LIMK1: variants seen among roughly 807,000 people sequenced by gnomAD.
LIMK1 encodes LIM motif-containing protein kinase.
Under a neutral mutation model 77.6 loss-of-function variants are expected in LIMK1, and 21 were observed. That is an observed-to-expected ratio of 0.27 (90% CI 0.19 to 0.39). LIMK1 has a LOEUF of 0.39. LIMK1 is among the 10% of genes least tolerant of loss of function. The pLI, the probability that LIMK1 is intolerant of heterozygous loss-of-function variation, is 1.00. For missense variants in LIMK1, 696 were observed against 901.6 expected, an observed-to-expected ratio of 0.77 and a Z score of 2.92; for synonymous variants, 358 against 370.0, an observed-to-expected ratio of 0.97 and a Z score of 0.37.
chr7:74,103,712 G>C (rs1799513024), intron 5 of LIMK1, among the ~76,000 whole-genome samples: 1 of 152,148 alleles, frequency 6.6e-6, no homozygotes, highest in Non-Finnish European at 1.5e-5. Context: ...GCTACCAAAT[G>C]CTGAATTTCT....
At chr7:74,086,316 A>G (rs1256396587) in intron 2 of LIMK1, among the ~76,000 whole-genome samples, 2 of 151,866 alleles carry the variant, frequency 1.3e-5, no homozygotes, top group Non-Finnish European at 2.9e-5. Context: ...AAGTGCTGGG[A>G]TGACAGACAT....
At chr7:74,106,899 T>C in intron 7 of LIMK1, 111 bp from the exon 8 acceptor site, 1 of 1,086,654 alleles carries the variant, frequency 9.2e-7, no homozygotes. Context: ...CAGGGGGTGA[T>C]TGCATAGACT....
At chr7:74,094,975 AGG>A (rs1799311733) in intron 2 of LIMK1, among the ~76,000 whole-genome samples, 1 of 151,902 alleles carries the variant, frequency 6.6e-6, no homozygotes, top group African/African-American at 2.4e-5. Flanking sequence ...CCCTTCCCCT[AGG>A]CTCCCAGACA....
rs1799937336 is a variant in LIMK1, at chr7:74,121,405, T to G, written c.*104T>G. ...CAGCTGGGACAGTGGGGACCCAGGC[T>G]TCTCCTCAGAGCCAGGCCCTGACTT... On this transcript the variant is annotated 3_prime_UTR_variant, in exon 16 of 16. Transcript: ENST00000336180. 1 of 1,189,462 alleles carries G rather than the reference T, an allele frequency of 8.4e-7. No homozygotes were observed. Among genetic ancestry groups the G allele is most frequent in the Non-Finnish European group, 1.1e-6 (1 of 869,926 alleles). 73.7% of individuals were successfully genotyped at this position (1,189,462 alleles called of 1,614,324 possible). A position where few individuals can be genotyped will look rare whatever the true frequency, so the allele number is the denominator to read the frequency against.
At chr7:74,114,759 C>CA (rs1799773107) in intron 12 of LIMK1, among the ~76,000 whole-genome samples, 1 of 150,936 alleles carries the variant, frequency 6.6e-6, no homozygotes. Flanking sequence ...ACTAAAAATA[C>CA]AAAAAATTAG....
intron 5 of LIMK1, 44 bp downstream of exon 5, chr7:74,099,282 C>G: frequency 6.4e-7 from 1 of 1,569,302 alleles, no homozygotes; most frequent in African/African-American, 1.3e-5. Context: ...GTGGCTATGG[C>G]TGTTGATGTG....
At chr7:74,105,852 C>T in intron 5 of LIMK1, 23 bp from the exon 6 acceptor site, 1 of 1,588,140 alleles carries the variant, frequency 6.3e-7, no homozygotes, top group Non-Finnish European at 8.6e-7. Context: ...TGGGCACTGG[C>T]CTGACCCCTG....
rs781946809 is a variant in LIMK1, at chr7:74,121,259, C to T, written c.1902C>T (p.Arg634=). ...GAGGTTTCTGGGAGACCTACCGGCG[C>T]GGCGAGAGCGGACTGCCTGCCCACC... is the stretch of plus-strand genomic sequence containing the variant. ...LDRGFWETYR[R]GESGLPAHPE... Residue 634 remains arginine (R), a synonymous_variant, in exon 16 of 16, where the codon CGC becomes CGT. Transcript: ENST00000336180. 16 of 1,611,666 alleles carry T rather than the reference C, an allele frequency of 9.9e-6. No homozygotes were observed. Among genetic ancestry groups the T allele is most frequent in the South Asian group, 6.6e-5 (6 of 90,914 alleles).
chr7:74,101,388 T>C (rs1012672047), intron 5 of LIMK1, among the ~76,000 whole-genome samples: 5 of 152,188 alleles, frequency 3.3e-5, no homozygotes, highest in Non-Finnish European at 7.3e-5. Context: ...ATGCCTGTTA[T>C]CTCAGCCACT....
At chr7:74,110,021 A>T (rs186011015) in intron 10 of LIMK1, 2 of 152,170 alleles carry the variant, frequency 1.3e-5, no homozygotes, top group Admixed American at 1.3e-4. Context: ...GTGTAACTTG[A>T]CACAACGGGT....
At chr7:74,085,932 A>G (rs529058907) in intron 2 of LIMK1, 88 bp downstream of exon 2, 84 of 962,312 alleles carry the variant, frequency 8.7e-5, no homozygotes, top group Admixed American at 2.0e-4. Flanking sequence ...AGGCCGGGAT[A>G]TGCCTCCTGG....
intron 2 of LIMK1, among the ~76,000 whole-genome samples, chr7:74,095,847 C>A (rs1799327215): frequency 6.6e-6 from 1 of 152,174 alleles, no homozygotes; most frequent in Non-Finnish European, 1.5e-5. Context: ...TGGCATTCCT[C>A]CCCATCTGCC....
At chr7:74,107,229 G>T in intron 8 of LIMK1, 36 bp downstream of exon 8, 1 of 1,557,206 alleles carries the variant, frequency 6.4e-7, no homozygotes, top group Non-Finnish European at 8.7e-7. Context: ...GGACAGTCTG[G>T]GTGGGACCCC....
chr7:74,096,768 C>T lies in LIMK1; in HGVS notation c.291+8C>T, dbSNP rs1554695698. On this transcript the variant is annotated splice_region_variant and intron_variant, in intron 3 of 15. Coordinates refer to ENST00000336180, the MANE Select transcript of LIMK1 (RefSeq NM_002314.4). ...ACCAAGGGACTGGTTATGGTGAGCGCCCCCTGCCTTGCACACTCACCTGGG... is the reference window on the plus strand; with the variant it reads ...ACCAAGGGACTGGTTATGGTGAGCGTCCCCTGCCTTGCACACTCACCTGGG... 1.3e-6 allele frequency: 2 copies of T among 1,586,286 alleles called. No individual in the cohort carries two copies. Among genetic ancestry groups the T allele is most frequent in the East Asian group, 2.2e-5 (1 of 44,448 alleles).
chr7:74,107,830 A>G, intron 8 of LIMK1, 41 bp from the exon 9 acceptor site: 1 of 1,515,104 alleles, frequency 6.6e-7, no homozygotes, highest in Non-Finnish European at 9.0e-7. Context: ...GCGGGCTTAC[A>G]GCAGAGCTTC....
chr7:74,101,801 C>CATATATAT (rs10552134), intron 5 of LIMK1, among the ~76,000 whole-genome samples: 2 of 146,114 alleles, frequency 1.4e-5, no homozygotes, highest in African/African-American at 5.1e-5. Flanking sequence ...ATATGTATGT[C>CATATATAT]ATATATATAT....
chr7:74,112,471 A>G (rs1799719713), intron 12 of LIMK1, among the ~76,000 whole-genome samples: 1 of 152,110 alleles, frequency 6.6e-6, no homozygotes, highest in Non-Finnish European at 1.5e-5. Context: ...CTGTAATCCC[A>G]GCACTTTGGG....
At position 74,107,069 on chromosome 7, in the gene LIMK1, A is replaced by G. The variant is rs782281455; in HGVS notation, c.941A>G (p.Gln314Arg). 1 of 1,608,004 alleles carries G rather than the reference A, an allele frequency of 6.2e-7. No individual in the cohort carries two copies. Among genetic ancestry groups the G allele is most frequent in the Non-Finnish European group, 8.5e-7 (1 of 1,178,188 alleles). Residue 314 changes from glutamine (Q) to arginine (R), a missense_variant, in exon 8 of 16, where the codon CAG becomes CGG. Transcript: ENST00000336180. ...GAGSLGSPAS[Q>R]RKDLGRSESL... ...GGCTCACTGGGCTCCCCGGCCTCCC[A>G]GCGCAAGGACCTGGGTCGCTCTGAG... is the stretch of plus-strand genomic sequence containing the variant.
intron 2 of LIMK1, chr7:74,093,143 C>T (rs1799270320): frequency 1.4e-6 from 2 of 1,477,358 alleles, no homozygotes; most frequent in Admixed American, 2.2e-5. Flanking sequence ...TGGCCCCACC[C>T]TCTGCAGCCT....
Sources: gnomAD v4.1 joint callset for allele counts (sites outside exome capture counted in the v4.1 genomes callset) on GRCh38, gnomAD v4.1.1 for gene constraint, MANE v1.5 for transcripts, NCBI Gene and HGNC (gene_info 2026-07-23, HGNC 2026-07-21) for gene names.